Variants in KANSL1L observed in about 807,000 individuals in gnomAD.
The protein encoded by KANSL1L is KAT8 regulatory NSL complex subunit 1-like protein.
KANSL1L carries 25 observed loss-of-function variants against 108.6 expected under a neutral mutation model. That is an observed-to-expected ratio of 0.23 (90% confidence interval 0.17 to 0.32). The LOEUF (loss-of-function observed/expected upper bound fraction) is 0.32, where lower values mean the gene tolerates loss of function less well. KANSL1L is among the 10% of genes least tolerant of loss of function. The pLI is 1.00. For synonymous variants in KANSL1L, 405 were observed against 395.1 expected (o/e 1.03, Z -0.30); for missense variants, 1,137 against 1,125.7 (o/e 1.01, Z -0.14).
chr2:210,161,771 A>C (rs1223811465), intron 1 of KANSL1L, among the ~76,000 whole-genome samples: 2 of 152,126 alleles, frequency 1.3e-5, no homozygotes, highest in Non-Finnish European at 2.9e-5. Context: ...CATAGCTTTA[A>C]ATTTTATTTA....
intron 6 of KANSL1L, among the ~76,000 whole-genome samples, chr2:210,058,729 C>T (rs1465412760): frequency 2.0e-5 from 3 of 150,438 alleles, no homozygotes; most frequent in South Asian, 2.1e-4. Context: ...CCCAGCTACT[C>T]GGGAGGTTGA....
chr2:210,023,378 T>A lies in KANSL1L; in HGVS notation c.2734-199A>T, dbSNP rs564073710. Among the ~76,000 whole-genome samples the A allele has an allele frequency of 5.9e-5, 9 of 152,344 alleles. No individual in the cohort carries two copies. The South Asian group carries it at 1.9e-3, about 32-fold the overall frequency. On this transcript the variant is annotated intron_variant, in intron 14 of 14. Transcript: ENST00000281772. ...TGTTGAGTGACTTTTGGGATTTATT[T>A]CTTTACTTTGCCTCTGCCAAGAAGA... is the stretch of plus-strand genomic sequence containing the variant.
chr2:210,066,614 A>C (rs2094469041), intron 6 of KANSL1L, among the ~76,000 whole-genome samples: 1 of 152,204 alleles, frequency 6.6e-6, no homozygotes, highest in Non-Finnish European at 1.5e-5. Flanking sequence ...CCTGGGCTCA[A>C]GTGATCCTCC....
intron 6 of KANSL1L, among the ~76,000 whole-genome samples, chr2:210,059,459 G>A (rs2125265710): frequency 6.6e-6 from 1 of 152,282 alleles, no homozygotes; most frequent in East Asian, 1.9e-4. Flanking sequence ...GTAGAACAAG[G>A]ATTACAATCC....
intron 6 of KANSL1L, among the ~76,000 whole-genome samples, chr2:210,045,983 A>G (rs1267513028): frequency 6.6e-6 from 1 of 152,182 alleles, no homozygotes; most frequent in Non-Finnish European, 1.5e-5. Flanking sequence ...TACTTCTCAC[A>G]GTTCTGGGGA....
chr2:210,150,368 C>T (rs1368920702), intron 2 of KANSL1L, among the ~76,000 whole-genome samples: 1 of 152,038 alleles, frequency 6.6e-6, no homozygotes, highest in African/African-American at 2.4e-5. Flanking sequence ...TGAATTTCAC[C>T]ATTTCTGTAT....
intron 1 of KANSL1L, among the ~76,000 whole-genome samples, chr2:210,165,746 T>C (rs896051289): frequency 6.6e-6 from 1 of 152,190 alleles, no homozygotes; most frequent in African/African-American, 2.4e-5. Flanking sequence ...TCATTGTGAG[T>C]TAAGGAAAGC....
intron 2 of KANSL1L, among the ~76,000 whole-genome samples, chr2:210,142,797 T>C (rs12613036): frequency 0.28 from 42,379 of 152,028 alleles, 6,597 homozygotes; most frequent in Non-Finnish European, 0.35. Context: ...TAATTTCATA[T>C]GATTTTGGCT....
intron 3 of KANSL1L, among the ~76,000 whole-genome samples, chr2:210,111,027 G>A (rs570277012): frequency 6.6e-6 from 1 of 152,084 alleles, no homozygotes; most frequent in South Asian, 2.1e-4. Flanking sequence ...CGGGAGGATC[G>A]CTTGAGCCTG....
intron 3 of KANSL1L, among the ~76,000 whole-genome samples, chr2:210,105,179 GTTCCCACTGTAAAAT>G (rs2094834226): frequency 6.6e-6 from 1 of 151,598 alleles, no homozygotes; most frequent in African/African-American, 2.4e-5. Flanking sequence ...TTCATAATCA[GTTCCCACTGTAAAAT>G]TTCTTTCCTT....
rs189726401 is a variant in KANSL1L, at chr2:210,168,620, C to G, written c.-30+2529G>C. Among the ~76,000 whole-genome samples, 14 of 152,132 alleles carry G rather than the reference C, an allele frequency of 9.2e-5. No individual in the cohort carries two copies. The East Asian group carries it at 2.7e-3, about 29-fold the overall frequency. ...AAGGAAATGAAATAATCTAAGGTAT[C>G]ATGATAAATGGCATCAAAATTGGAT... is the stretch of plus-strand genomic sequence containing the variant. On this transcript the variant is annotated intron_variant, in intron 1 of 14. Transcript: ENST00000281772.
chr2:210,167,407 C>G (rs138578814), intron 1 of KANSL1L, among the ~76,000 whole-genome samples: 1 of 151,954 alleles, frequency 6.6e-6, no homozygotes, highest in African/African-American at 2.4e-5. Flanking sequence ...ACTTGGGTGG[C>G]TACATAACAC....
At chr2:210,096,594 C>T (rs965869363) in intron 5 of KANSL1L, 1 of 985,276 alleles carries the variant, frequency 1.0e-6, no homozygotes, top group South Asian at 4.7e-5. Flanking sequence ...ATGGGATTAG[C>T]CCCAAATCAC....
intron 3 of KANSL1L, among the ~76,000 whole-genome samples, chr2:210,127,239 G>C (rs962393150): frequency 1.3e-5 from 2 of 152,022 alleles, no homozygotes; most frequent in African/African-American, 2.4e-5. Context: ...CTGAATATCT[G>C]AATGAAAACA....
At chr2:210,100,551 T>C (rs2094783784) in intron 4 of KANSL1L, among the ~76,000 whole-genome samples, 1 of 152,226 alleles carries the variant, frequency 6.6e-6, no homozygotes, top group South Asian at 2.1e-4. Flanking sequence ...AACAGTTATA[T>C]ATCAGTAGAT....
intron 2 of KANSL1L, among the ~76,000 whole-genome samples, chr2:210,142,297 A>C (rs986933170): frequency 4.6e-5 from 7 of 152,170 alleles, no homozygotes; most frequent in African/African-American, 1.7e-4. Context: ...GAGATGTTGC[A>C]TAATAGTCTC....
At chr2:210,043,580 A>G (rs1185940703) in intron 7 of KANSL1L, 3 of 163,032 alleles carry the variant, frequency 1.8e-5, no homozygotes, top group Non-Finnish European at 1.3e-5. Context: ...ACCTCCATGT[A>G]TAACAGCACA....
chr2:210,035,954 T>A lies in KANSL1L; in HGVS notation c.2030-4408A>T, dbSNP rs942536679. On this transcript the variant is annotated intron_variant, in intron 8 of 14. Transcript: ENST00000281772. ...CCATTCCAGACTTACTAAATCAGAC[T>A]CTGCATTCTAACAATATCCCCGAAG... 3.3e-5 allele frequency among the ~76,000 whole-genome samples: 5 copies of A among 152,340 alleles called. No homozygotes were observed. The South Asian group carries it at 1.0e-3, about 32-fold the overall frequency.
chr2:210,171,561 T>G (rs1487627568), upstream of KANSL1L: 5 of 152,446 alleles, frequency 3.3e-5, no homozygotes, highest in East Asian at 1.9e-4. Context: ...CACGACTCCC[T>G]TAACTCTGGT....
Sources: gnomAD v4.1 joint callset for allele counts (sites outside exome capture counted in the v4.1 genomes callset) on GRCh38, gnomAD v4.1.1 for gene constraint, MANE v1.5 for transcripts, NCBI Gene and HGNC (gene_info 2026-07-23, HGNC 2026-07-21) for gene names.